Variants in SMOC1 observed in about 807,000 individuals in gnomAD.
SMOC1 encodes SPARC related modular calcium binding 1.
A neutral mutation model predicts 56.3 loss-of-function variants in SMOC1; 22 were observed. The observed-to-expected ratio is 0.39, with a 90% CI of 0.28 to 0.56. The LOEUF (loss-of-function observed/expected upper bound fraction) is 0.56. Among genes scored for constraint, SMOC1 ranks in the 20% least tolerant of loss-of-function variants. The pLI is 0.61. For synonymous variants in SMOC1, 193 were observed against 215.0 expected (o/e 0.90, Z 0.89); for missense variants, 509 against 565.4 (o/e 0.90, Z 1.01).
chr14:69,935,693 G>A (rs1482086548), intron 1 of SMOC1, among the ~76,000 whole-genome samples: 1 of 152,186 alleles, frequency 6.6e-6, no homozygotes, highest in East Asian at 1.9e-4. Context: ...GGGTGGTTGT[G>A]CTTTGGTGTA....
At position 69,953,454 on chromosome 14, in the gene SMOC1, T is replaced by G; in HGVS notation, c.300T>G (p.Ala100=). 6.2e-7 allele frequency: 1 copy of G among 1,614,236 alleles called. No homozygotes were observed. Among genetic ancestry groups the G allele is most frequent in the Non-Finnish European group, 8.5e-7 (1 of 1,180,032 alleles). Residue 100 remains alanine (A), a synonymous_variant, in exon 3 of 12, where the codon GCT becomes GCG. Transcript: ENST00000361956. ...AGQSKCRLER[A]QALEQAKKPQ... ...AGAGCAAGTGTCGCCTGGAGCGGGC[T>G]CAAGCCCTGGAGCAAGCCAAGAAGC...
chr14:69,997,422 G>A (rs532005625), intron 7 of SMOC1, among the ~76,000 whole-genome samples: 142 of 152,340 alleles, frequency 9.3e-4, no homozygotes, highest in African/African-American at 3.1e-3. Context: ...AAAAGCATGG[G>A]CTTTGGTGTC....
intron 7 of SMOC1, among the ~76,000 whole-genome samples, chr14:69,998,230 G>A (rs1025503156): frequency 3.3e-5 from 5 of 152,148 alleles, no homozygotes; most frequent in African/African-American, 1.2e-4. Flanking sequence ...TTGCTTCTTT[G>A]CTCTTCTCTT....
intron 7 of SMOC1, among the ~76,000 whole-genome samples, chr14:70,010,479 C>A (rs1407310330): frequency 6.6e-6 from 1 of 152,222 alleles, no homozygotes; most frequent in African/African-American, 2.4e-5. Flanking sequence ...TCCCTGGAGT[C>A]CCTGGCTGGC....
At chr14:69,923,027 C>T (rs1386509666) in intron 1 of SMOC1, among the ~76,000 whole-genome samples, 1 of 151,642 alleles carries the variant, frequency 6.6e-6, no homozygotes, top group African/African-American at 2.4e-5. Context: ...TCACTGCAAG[C>T]TCCGCCTCCC....
intron 1 of SMOC1, among the ~76,000 whole-genome samples, chr14:69,944,044 T>C (rs888841946): frequency 6.6e-6 from 1 of 152,198 alleles, no homozygotes; most frequent in Admixed American, 6.5e-5. Context: ...AGCCTCGGTT[T>C]TCTCCTCATT....
intron 1 of SMOC1, among the ~76,000 whole-genome samples, chr14:69,933,287 T>C (rs1281608094): frequency 6.6e-6 from 1 of 152,226 alleles, no homozygotes; most frequent in Non-Finnish European, 1.5e-5. Context: ...GTTGTAGGCT[T>C]GTAATAACAT....
rs888143815 is a variant in SMOC1, at chr14:70,032,104, A to T, written c.*1846A>T. 1 of 152,394 alleles carries T rather than the reference A, an allele frequency of 6.6e-6. No homozygotes were observed. Among genetic ancestry groups the T allele is most frequent in the African/African-American group, 2.4e-5 (1 of 41,456 alleles). 9.4% of individuals were successfully genotyped at this position (152,394 alleles called of 1,614,324 possible). ...AAAGGTGGGAAGGAAGCCTTCTCCC[A>T]TTAGCCCCAATGAGAGAACTCAACG... On this transcript the variant is annotated 3_prime_UTR_variant, in exon 12 of 12. Transcript: ENST00000361956.
chr14:70,015,304 G>C (rs1297822800), intron 10 of SMOC1, among the ~76,000 whole-genome samples: 1 of 151,172 alleles, frequency 6.6e-6, no homozygotes, highest in Non-Finnish European at 1.5e-5. Flanking sequence ...TAACCAATGG[G>C]TGTCAAGTTT....
In SMOC1 at chr14:69,892,531, G is replaced by T. The variant is rs533901191; in HGVS notation, c.99+12754G>T. On this transcript the variant is annotated intron_variant, in intron 1 of 11. Coordinates refer to ENST00000361956, the MANE Select transcript of SMOC1 (RefSeq NM_001034852.3). ...CTATCTAGTCATTAAATTTTTTTTT[G>T]TTGTTATGAAAACTTCCAAATATAC... Among the ~76,000 whole-genome samples, 4 of 151,992 alleles carry T rather than the reference G, an allele frequency of 2.6e-5. No homozygotes were observed. In the South Asian group the frequency reaches 6.2e-4, roughly 24 times the overall value.
intron 5 of SMOC1, among the ~76,000 whole-genome samples, chr14:69,990,015 C>T (rs61977397): frequency 4.6e-5 from 7 of 152,182 alleles, no homozygotes; most frequent in Non-Finnish European, 8.8e-5. Context: ...CATTTAGGAC[C>T]TCCCCGTGGC....
chr14:69,917,740 T>C (rs1359845487), intron 1 of SMOC1, among the ~76,000 whole-genome samples: 2 of 152,240 alleles, frequency 1.3e-5, no homozygotes, highest in East Asian at 3.8e-4. Context: ...TTTTCAGGTT[T>C]CTATATGAAC....
intron 1 of SMOC1, among the ~76,000 whole-genome samples, chr14:69,939,315 C>G (rs183658269): frequency 1.3e-5 from 2 of 152,302 alleles, no homozygotes; most frequent in Non-Finnish European, 2.9e-5. Flanking sequence ...GTGCAGGGAA[C>G]TGCCCTTTAT....
At chr14:69,987,623 TTTTTG>T (rs1884411944) in intron 5 of SMOC1, among the ~76,000 whole-genome samples, 1 of 152,048 alleles carries the variant, frequency 6.6e-6, no homozygotes, top group Non-Finnish European at 1.5e-5. Flanking sequence ...TGTTTTTGGG[TTTTTG>T]TTTTGTTTTG....
chr14:69,912,247 T>C (rs920182922), intron 1 of SMOC1, among the ~76,000 whole-genome samples: 1 of 152,162 alleles, frequency 6.6e-6, no homozygotes, highest in African/African-American at 2.4e-5. Context: ...TGAGGCACAA[T>C]TTCCTTTTCC....
intron 10 of SMOC1, among the ~76,000 whole-genome samples, chr14:70,014,868 G>A (rs115251715): frequency 0.018 from 2,809 of 152,352 alleles, 32 homozygotes; most frequent in Middle Eastern, 0.1. Flanking sequence ...GCCTTGGAAG[G>A]ACCCCAGCAT....
At chr14:69,905,120 A>G (rs1884372055) in intron 1 of SMOC1, among the ~76,000 whole-genome samples, 1 of 152,158 alleles carries the variant, frequency 6.6e-6, no homozygotes, top group Non-Finnish European at 1.5e-5. Flanking sequence ...ACATCATGTG[A>G]AAATGTTATG....
chr14:69,913,478 G>A (rs1884609220), intron 1 of SMOC1, among the ~76,000 whole-genome samples: 1 of 152,168 alleles, frequency 6.6e-6, no homozygotes, highest in Non-Finnish European at 1.5e-5. Context: ...GTGTGCGTGT[G>A]TGTGTGTTCC....
At chr14:70,023,508 C>A (rs992045241) in intron 11 of SMOC1, 61 bp downstream of exon 11, 144 of 1,606,600 alleles carry the variant, frequency 9.0e-5, no homozygotes, top group Non-Finnish European at 1.2e-4. Context: ...GGCATGGGAC[C>A]AAGGGCTCTC....
Sources: allele counts gnomAD v4.1 joint callset (sites outside exome capture counted in the v4.1 genomes callset), GRCh38; gene constraint gnomAD v4.1.1; transcripts MANE v1.5; gene names NCBI Gene and HGNC (gene_info 2026-07-23, HGNC 2026-07-21).